The following MARCHF1 variants were observed in gnomAD, a reference collection of about 807,000 sequenced individuals.
MARCHF1 encodes the protein E3 ubiquitin-protein ligase MARCHF1.
Under a neutral mutation model 54.2 loss-of-function variants are expected in MARCHF1, and 40 were observed. The ratio of observed to expected loss-of-function variants is 0.74; its 90% CI spans 0.57 to 0.96. The LOEUF is 0.96. MARCHF1 is among the 40% of genes least tolerant of loss of function. The pLI, the probability that MARCHF1 is intolerant of heterozygous loss-of-function variation, is 0.00. For synonymous variants in MARCHF1, 236 were observed against 236.3 expected (o/e 1.00, Z 0.01); for missense variants, 586 against 656.5 (o/e 0.89, Z 1.17).
Position 163,729,054 on chromosome 4 carries a change from G to A in MARCHF1, c.112-28191C>T, listed in dbSNP as rs983470136. Reference sequence around the variant, plus strand: ...ATCATATAATTTATATTTTTAATCTGTTGTTGTGGATTAAATAAATTAATT... The same window carrying A: ...ATCATATAATTTATATTTTTAATCTATTGTTGTGGATTAAATAAATTAATT... On this transcript the variant is annotated intron_variant, in intron 4 of 9. Coordinates refer to ENST00000514618, the MANE Select transcript of MARCHF1 (RefSeq NM_001394959.1). 2.2e-5 allele frequency among the ~76,000 whole-genome samples: 3 copies of A among 138,594 alleles called. No homozygotes were observed. In the Admixed American group the frequency reaches 2.6e-4, roughly 12 times the overall value. The allele number at this position is 138,594 out of a possible 152,430, so 90.9% of individuals were successfully genotyped here.
At chr4:164,000,878 T>A (rs1282978686) in intron 2 of MARCHF1, among the ~76,000 whole-genome samples, 1 of 151,696 alleles carries the variant, frequency 6.6e-6, no homozygotes, top group African/African-American at 2.4e-5. Context: ...CTGTTGTTTC[T>A]AATAAAGCAA....
intron 2 of MARCHF1, among the ~76,000 whole-genome samples, chr4:164,015,910 A>AC (rs925461209): frequency 6.6e-6 from 1 of 151,994 alleles, no homozygotes; most frequent in Admixed American, 6.6e-5. Context: ...CAAAAAAAAA[A>AC]AAAACTAAAA....
At chr4:163,905,136 T>C (rs2111318640) in intron 3 of MARCHF1, among the ~76,000 whole-genome samples, 1 of 152,090 alleles carries the variant, frequency 6.6e-6, no homozygotes, top group East Asian at 1.9e-4. Context: ...AATCATTCAT[T>C]AGAGGAGGCA....
chr4:163,963,802 A>C (rs948533524), intron 3 of MARCHF1, among the ~76,000 whole-genome samples: 3 of 151,942 alleles, frequency 2.0e-5, no homozygotes, highest in Non-Finnish European at 2.9e-5. Context: ...AGTCATATAG[A>C]GAGGCCCTGA....
chr4:163,680,926 A>G (rs1158730982), intron 5 of MARCHF1, among the ~76,000 whole-genome samples: 2 of 151,634 alleles, frequency 1.3e-5, no homozygotes, highest in Non-Finnish European at 2.9e-5. Flanking sequence ...GTTGCCTAGC[A>G]CTGTGTCTAA....
chr4:164,362,469 GGAAGCTCT>G (rs1461825208), intron 1 of MARCHF1, among the ~76,000 whole-genome samples: 1 of 152,082 alleles, frequency 6.6e-6, no homozygotes, highest in African/African-American at 2.4e-5. Flanking sequence ...GGGAGCTAGA[GGAAGCTCT>G]GCCTCCACCA....
At chr4:164,190,292 T>G (rs1579608633) in intron 1 of MARCHF1, 1 of 772,758 alleles carries the variant, frequency 1.3e-6, no homozygotes, top group Admixed American at 2.3e-5. Context: ...GTGCAAGCCC[T>G]CTCCCAGCCA....
At chr4:163,557,060 T>A (rs969336377) in intron 8 of MARCHF1, among the ~76,000 whole-genome samples, 1 of 152,182 alleles carries the variant, frequency 6.6e-6, no homozygotes, top group African/African-American at 2.4e-5. Flanking sequence ...CTGCTCTCCC[T>A]TGAATTGATT....
intron 5 of MARCHF1, among the ~76,000 whole-genome samples, chr4:163,635,415 A>C (rs2111010293): frequency 6.6e-6 from 1 of 151,110 alleles, no homozygotes; most frequent in East Asian, 1.9e-4. Context: ...AGGGGATATC[A>C]CCACCGATCC....
chr4:164,285,565 C>G (rs1734123581), intron 1 of MARCHF1, among the ~76,000 whole-genome samples: 1 of 151,878 alleles, frequency 6.6e-6, no homozygotes, highest in African/African-American at 2.4e-5. Context: ...GCCTCAGCCT[C>G]ACGAGTAGCT....
chr4:164,188,678 C>A, intron 1 of MARCHF1: 3 of 1,120,742 alleles, frequency 2.7e-6, no homozygotes, highest in Non-Finnish European at 4.1e-6. Context: ...GCTCATCGGC[C>A]GCACGTGGAA....
chr4:163,562,083 GGTCAGGA>G (rs1460758144), intron 8 of MARCHF1, among the ~76,000 whole-genome samples: 1 of 152,048 alleles, frequency 6.6e-6, no homozygotes, highest in East Asian at 1.9e-4. Flanking sequence ...GATCACCTGA[GGTCAGGA>G]GTTTGAGACT....
chr4:163,937,558 C>T (rs115601524), intron 3 of MARCHF1, among the ~76,000 whole-genome samples: 2,937 of 151,884 alleles, frequency 0.019, 40 homozygotes, highest in Non-Finnish European at 0.031. Flanking sequence ...CATACACACA[C>T]GCACACACAT....
chr4:163,984,048 A>C (rs1461295291), intron 3 of MARCHF1, among the ~76,000 whole-genome samples: 1 of 152,130 alleles, frequency 6.6e-6, no homozygotes, highest in Non-Finnish European at 1.5e-5. Flanking sequence ...TTATGTTCAA[A>C]AGGAAAAATA....
chr4:164,176,968 C>CTATA (rs1553989355), intron 1 of MARCHF1, among the ~76,000 whole-genome samples: 2 of 43,340 alleles, frequency 4.6e-5, no homozygotes, highest in African/African-American at 2.1e-4. Context: ...CTCTCTCTCT[C>CTATA]TCTCTCTCTC....
intron 1 of MARCHF1, among the ~76,000 whole-genome samples, chr4:164,249,764 TAAA>T (rs5863672): frequency 2.8e-5 from 4 of 143,590 alleles, no homozygotes; most frequent in Non-Finnish European, 1.5e-5. Context: ...CGGTTAGGAT[TAAA>T]AAAAAAAAAA....
chr4:164,347,729 T>G (rs549450821), intron 1 of MARCHF1, among the ~76,000 whole-genome samples: 1 of 152,284 alleles, frequency 6.6e-6, no homozygotes, highest in South Asian at 2.1e-4. Flanking sequence ...ATTTGTGAGT[T>G]CTGCAGTTAC....
chr4:164,310,413 A>G (rs1734818383), intron 1 of MARCHF1, among the ~76,000 whole-genome samples: 1 of 152,090 alleles, frequency 6.6e-6, no homozygotes, highest in African/African-American at 2.4e-5. Context: ...AGTGTGAAAT[A>G]ATCACATTTT....
intron 5 of MARCHF1, among the ~76,000 whole-genome samples, chr4:163,617,268 A>G (rs1427539391): frequency 6.6e-6 from 1 of 152,190 alleles, no homozygotes; most frequent in Non-Finnish European, 1.5e-5. Flanking sequence ...GTTAGTTAAC[A>G]GATACAAAAT....
Sources: gnomAD v4.1 joint callset for allele counts (sites outside exome capture counted in the v4.1 genomes callset) on GRCh38, gnomAD v4.1.1 for gene constraint, MANE v1.5 for transcripts, NCBI Gene and HGNC (gene_info 2026-07-23, HGNC 2026-07-21) for gene names.